EXOC2: variants seen among roughly 807,000 people sequenced by gnomAD.
EXOC2 encodes the protein exocyst complex component 2, also known as SEC5-like 1.
A neutral mutation model predicts 131.8 loss-of-function variants in EXOC2; 70 were observed. The ratio of observed to expected loss-of-function variants is 0.53; its 90% CI spans 0.44 to 0.65. The LOEUF (loss-of-function observed/expected upper bound fraction) is 0.65, where lower values mean the gene tolerates loss of function less well. EXOC2 is among the 30% of genes least tolerant of loss of function. The pLI, the probability that EXOC2 is intolerant of heterozygous loss-of-function variation, is 0.00. For synonymous variants in EXOC2, 411 were observed against 398.4 expected, an observed-to-expected ratio of 1.03 and a Z score of -0.38; for missense variants, 923 against 1,108.6, an observed-to-expected ratio of 0.83 and a Z score of 2.38.
chr6:625,566 G>A (rs1761523320), intron 4 of EXOC2, among the ~76,000 whole-genome samples: 1 of 134,954 alleles, frequency 7.4e-6, no homozygotes, highest in African/African-American at 2.7e-5. Flanking sequence ...TGGACTTGAA[G>A]GCGTTCTCAT....
At chr6:596,542 T>C (rs1759831315) in intron 10 of EXOC2, among the ~76,000 whole-genome samples, 1 of 152,060 alleles carries the variant, frequency 6.6e-6, no homozygotes, top group African/African-American at 2.4e-5. Flanking sequence ...TAATTTTTGA[T>C]TTTTTGCAGA....
chr6:685,088 CAGACTAT>C (rs1247873121), intron 1 of EXOC2, among the ~76,000 whole-genome samples: 3 of 152,056 alleles, frequency 2.0e-5, no homozygotes, highest in Middle Eastern at 3.4e-3. Context: ...GCTAACAGAT[CAGACTAT>C]AGAAAGGTGA....
intron 1 of EXOC2, among the ~76,000 whole-genome samples, chr6:647,671 T>C (rs1056172991): frequency 7.3e-6 from 1 of 137,690 alleles, no homozygotes; most frequent in African/African-American, 2.7e-5. Flanking sequence ...CTCACTCTGG[T>C]GTGAAACATA....
At chr6:488,554 CAAAA>C (rs1561767647) in intron 27 of EXOC2, among the ~76,000 whole-genome samples, 2 of 151,814 alleles carry the variant, frequency 1.3e-5, no homozygotes, top group East Asian at 1.9e-4. Flanking sequence ...TTATAGAACA[CAAAA>C]TAAATACTAC....
intron 15 of EXOC2, among the ~76,000 whole-genome samples, 154 bp from the exon 16 acceptor site, chr6:564,308 A>G (rs1757853216): frequency 6.6e-6 from 1 of 152,222 alleles, no homozygotes; most frequent in African/African-American, 2.4e-5. Context: ...CTGTACTGTC[A>G]GAGTAATACT....
At chr6:648,495 A>G (rs1762681335) in intron 1 of EXOC2, among the ~76,000 whole-genome samples, 1 of 152,214 alleles carries the variant, frequency 6.6e-6, no homozygotes, top group African/African-American at 2.4e-5. Flanking sequence ...CAATTGCCAT[A>G]AAACAATGAC....
chr6:635,537 A>C (rs1313319679), intron 2 of EXOC2, among the ~76,000 whole-genome samples: 1 of 152,256 alleles, frequency 6.6e-6, no homozygotes, highest in East Asian at 1.9e-4. Flanking sequence ...CACGTTTGCT[A>C]AGCTACGCTA....
chr6:565,554 C>A (rs1757926824), intron 13 of EXOC2, among the ~76,000 whole-genome samples: 3 of 152,052 alleles, frequency 2.0e-5, no homozygotes, highest in South Asian at 4.1e-4. Context: ...TGTTTATTAA[C>A]AAATTTTCTA....
chr6:490,336 T>G (rs1326358897), intron 26 of EXOC2, among the ~76,000 whole-genome samples: 2 of 152,148 alleles, frequency 1.3e-5, no homozygotes, highest in Non-Finnish European at 2.9e-5. Flanking sequence ...GTGCTTTCCA[T>G]CCTGTTAGTA....
intron 1 of EXOC2, chr6:656,882 G>A (rs761724488): frequency 1.9e-6 from 3 of 1,601,326 alleles, no homozygotes; most frequent in Non-Finnish European, 2.6e-6. Context: ...TCGCGACGGT[G>A]CCGCTGACGT....
At chr6:614,897 G>C (rs1237597883) in intron 6 of EXOC2, among the ~76,000 whole-genome samples, 1 of 151,574 alleles carries the variant, frequency 6.6e-6, no homozygotes, top group African/African-American at 2.4e-5. Context: ...TATGAGAACA[G>C]AGACTATGAA....
intron 23 of EXOC2, among the ~76,000 whole-genome samples, chr6:515,393 C>T (rs9392618): frequency 0.45 from 68,585 of 152,180 alleles, 17,804 homozygotes; most frequent in South Asian, 0.69. Context: ...CTGTCCTCCC[C>T]GTCTGTCCCC....
chr6:588,181 CAT>C (rs1759322937), intron 11 of EXOC2, among the ~76,000 whole-genome samples: 2 of 152,200 alleles, frequency 1.3e-5, no homozygotes, highest in African/African-American at 2.4e-5. Flanking sequence ...AAAAGCCTCT[CAT>C]GTGCTAGAAT....
chr6:569,152 C>G (rs1378722125), intron 13 of EXOC2, among the ~76,000 whole-genome samples: 1 of 152,124 alleles, frequency 6.6e-6, no homozygotes, highest in Non-Finnish European at 1.5e-5. Context: ...TTTTAAAATG[C>G]TGACTCTTAA....
intron 1 of EXOC2, among the ~76,000 whole-genome samples, chr6:686,717 G>T (rs1032600455): frequency 6.6e-6 from 1 of 152,218 alleles, no homozygotes; most frequent in Admixed American, 6.5e-5. Flanking sequence ...GAACCATAAA[G>T]CCCTCTGCCT....
intron 1 of EXOC2, among the ~76,000 whole-genome samples, chr6:690,571 C>T (rs553483002): frequency 4.6e-5 from 7 of 152,142 alleles, no homozygotes; most frequent in African/African-American, 9.6e-5. Context: ...GGCGTGGTGA[C>T]GGGCGCCTGT....
chr6:515,857 C>T (rs1449361112), intron 23 of EXOC2, among the ~76,000 whole-genome samples: 6 of 152,106 alleles, frequency 3.9e-5, no homozygotes, highest in South Asian at 4.1e-4. Flanking sequence ...AAGTGGCTTC[C>T]GGGGGTTTCT....
At chr6:674,386 C>T (rs1764015258) in intron 1 of EXOC2, among the ~76,000 whole-genome samples, 1 of 152,058 alleles carries the variant, frequency 6.6e-6, no homozygotes, top group African/African-American at 2.4e-5. Context: ...GCATTTGGAT[C>T]ATGTTTCCTC....
rs530553281 is a variant in EXOC2, at chr6:641,255, A to G, written c.-43-3394T>C. ...ATCTGGAAATGTTGCAGTGGATGGCAGGAGAGAGTGGAATGAGTCTGGGGT... is the reference window on the plus strand; with the variant it reads ...ATCTGGAAATGTTGCAGTGGATGGCGGGAGAGAGTGGAATGAGTCTGGGGT... On this transcript the variant is annotated intron_variant, in intron 1 of 27. Transcript: ENST00000230449. Among the ~76,000 whole-genome samples the G allele has an allele frequency of 4.7e-4, 72 of 152,160 alleles. 1 individual carries two copies. Among genetic ancestry groups the G allele is most frequent in the African/African-American group, 1.7e-3 (71 of 41,526 alleles).
Sources: gnomAD v4.1 joint callset for allele counts (sites outside exome capture counted in the v4.1 genomes callset) on GRCh38, gnomAD v4.1.1 for gene constraint, MANE v1.5 for transcripts, NCBI Gene and HGNC (gene_info 2026-07-23, HGNC 2026-07-21) for gene names.